ANKRD30B: variants seen among roughly 807,000 people sequenced by gnomAD.
ANKRD30B encodes ankyrin repeat domain-containing protein 30B.
ANKRD30B carries 144 observed loss-of-function variants against 202.2 expected under a neutral mutation model. The ratio of observed to expected loss-of-function variants is 0.71; its 90% CI spans 0.62 to 0.82. The LOEUF is 0.82. Among genes scored for constraint, ANKRD30B ranks in the 40% least tolerant of loss-of-function variants. The pLI is 0.00. For synonymous variants in ANKRD30B, 508 were observed against 561.3 expected (o/e 0.91, Z 1.34); for missense variants, 1,487 against 1,669.1 (o/e 0.89, Z 1.90).
chr18:14,940,919 C>T, the ANKRD30B span, among the ~76,000 whole-genome samples: 4,177 of 152,146 alleles, frequency 0.027, 206 homozygotes, highest in African/African-American at 0.095. Context: ...GTGAGAGGCC[C>T]CTTCTGAGAG....
chr18:14,757,539 C>A (rs1246498358), intron 4 of ANKRD30B, among the ~76,000 whole-genome samples: 1 of 152,144 alleles, frequency 6.6e-6, no homozygotes, highest in East Asian at 1.9e-4. Context: ...ATAGATAATT[C>A]TTCCCTTAAA....
chr18:14,821,079 G>C (rs1227977176), intron 30 of ANKRD30B, among the ~76,000 whole-genome samples: 1 of 152,100 alleles, frequency 6.6e-6, no homozygotes, highest in Non-Finnish European at 1.5e-5. Flanking sequence ...ACTTCTTCCT[G>C]GTTTAGTCTT....
chr18:14,756,324 G>T (rs1481593554), intron 4 of ANKRD30B, among the ~76,000 whole-genome samples: 1 of 151,950 alleles, frequency 6.6e-6, no homozygotes, highest in African/African-American at 2.4e-5. Flanking sequence ...AGATGAGTAG[G>T]TTGCAAAAAT....
intron 33 of ANKRD30B, among the ~76,000 whole-genome samples, chr18:14,828,973 T>C (rs1179054383): frequency 6.6e-6 from 1 of 152,208 alleles, no homozygotes; most frequent in African/African-American, 2.4e-5. Context: ...GAATTCTCTA[T>C]TTACTGACTT....
chr18:14,828,237 A>G (rs113641170), intron 32 of ANKRD30B, 41 bp from the exon 33 acceptor site: 5 of 1,409,900 alleles, frequency 3.5e-6, no homozygotes, highest in Non-Finnish European at 4.8e-6. Context: ...TTTTTTATTT[A>G]TATTTGTTGA....
intron 15 of ANKRD30B, 85 bp downstream of exon 15, chr18:14,787,185 C>T (rs2143895676): frequency 1.6e-6 from 2 of 1,225,354 alleles, no homozygotes; most frequent in Non-Finnish European, 2.3e-6. Context: ...TATTTTCTCA[C>T]CTCTGCATAT....
chr18:14,940,883 C>T, the ANKRD30B span, among the ~76,000 whole-genome samples: 1 of 152,122 alleles, frequency 6.6e-6, no homozygotes, highest in Admixed American at 6.6e-5. Context: ...AGAGCTAAAT[C>T]CGGTGCTTCT....
rs1478696347 is a variant in ANKRD30B, at chr18:14,748,589, T to C, written c.170T>C (p.Met57Thr). Residue 57 changes from methionine (M) to threonine (T), a missense_variant, in exon 1 of 44, where the codon ATG becomes ACG. Transcript: ENST00000690538. ...SRGQVQKLEKMTVGKKPVNLN... is the reference protein window; with the variant it reads ...SRGQVQKLEKTTVGKKPVNLN... ...GGCCAAGTCCAGAAGCTGGAGAAGA[T>C]GACAGTAGGGAAGAAGCCCGTCAAC... 6.4e-7 allele frequency: 1 copy of C among 1,565,664 alleles called. No homozygotes were observed. The highest frequency in any genetic ancestry group is 8.7e-7 in the Non-Finnish European group (1 of 1,154,904).
chr18:14,858,735 G>A (rs1343745418), downstream of ANKRD30B, among the ~76,000 whole-genome samples: 2 of 146,022 alleles, frequency 1.4e-5, no homozygotes, highest in African/African-American at 2.5e-5. Flanking sequence ...GGGCGGCTGG[G>A]CAGAGGTGCT....
chr18:14,931,803 C>T, the ANKRD30B span, among the ~76,000 whole-genome samples: 3 of 151,916 alleles, frequency 2.0e-5, no homozygotes, highest in Non-Finnish European at 4.4e-5. Context: ...AGTTTTCTTA[C>T]AGGGATGGAG....
chr18:14,914,405 G>T, the ANKRD30B span, among the ~76,000 whole-genome samples: 1 of 152,158 alleles, frequency 6.6e-6, no homozygotes, highest in Non-Finnish European at 1.5e-5. Flanking sequence ...AACTGTTATT[G>T]AGCTTTATTG....
the ANKRD30B span, among the ~76,000 whole-genome samples, chr18:14,887,750 A>G: frequency 6.6e-6 from 1 of 152,090 alleles, no homozygotes; most frequent in Non-Finnish European, 1.5e-5. Context: ...AATAAAATAA[A>G]CTTAAATAAC....
intron 30 of ANKRD30B, chr18:14,816,870 C>A (rs993039868): frequency 7.9e-5 from 12 of 152,216 alleles, no homozygotes; most frequent in African/African-American, 1.9e-4. Flanking sequence ...GGACAAAAAA[C>A]CAAACACTGC....
At chr18:14,905,202 G>C in the ANKRD30B span, among the ~76,000 whole-genome samples, 1 of 152,098 alleles carries the variant, frequency 6.6e-6, no homozygotes, top group African/African-American at 2.4e-5. Flanking sequence ...CACAAAAATG[G>C]GCAAACAGCA....
chr18:14,891,215 T>C, the ANKRD30B span, among the ~76,000 whole-genome samples: 3 of 152,076 alleles, frequency 2.0e-5, no homozygotes, highest in Non-Finnish European at 4.4e-5. Flanking sequence ...AAGAAAAAAC[T>C]AATTGTTTTG....
chr18:14,769,134 T>C (rs149897943), intron 7 of ANKRD30B, among the ~76,000 whole-genome samples: 9 of 152,302 alleles, frequency 5.9e-5, no homozygotes, highest in Middle Eastern at 3.4e-3. Flanking sequence ...CACGAAAATA[T>C]GCATGATTCT....
intron 15 of ANKRD30B, among the ~76,000 whole-genome samples, chr18:14,788,518 A>T (rs183888341): frequency 6.6e-6 from 1 of 152,066 alleles, no homozygotes; most frequent in East Asian, 1.9e-4. Flanking sequence ...AGCATTAGTT[A>T]TATCTCCTAA....
At chr18:14,936,786 A>G in the ANKRD30B span, among the ~76,000 whole-genome samples, 1 of 152,326 alleles carries the variant, frequency 6.6e-6, no homozygotes, top group Non-Finnish European at 1.5e-5. Context: ...GAGGCTTCAC[A>G]TCTGCAAGGA....
the ANKRD30B span, among the ~76,000 whole-genome samples, chr18:14,935,491 A>T: frequency 6.6e-6 from 1 of 152,178 alleles, no homozygotes; most frequent in Non-Finnish European, 1.5e-5. Context: ...CTCCTTCCCT[A>T]CGGTGGGCCT....
Sources: gnomAD v4.1 joint callset for allele counts (sites outside exome capture counted in the v4.1 genomes callset) on GRCh38, gnomAD v4.1.1 for gene constraint, MANE v1.5 for transcripts, NCBI Gene and HGNC (gene_info 2026-07-23, HGNC 2026-07-21) for gene names.